RGL1: variants seen among roughly 807,000 people sequenced by gnomAD.
The protein encoded by RGL1 is ral guanine nucleotide dissociation stimulator-like 1.
Under a neutral mutation model 95.2 loss-of-function variants are expected in RGL1, and 24 were observed. The observed-to-expected ratio is 0.25, with a 90% CI of 0.18 to 0.35. The LOEUF (loss-of-function observed/expected upper bound fraction) is 0.35. Ranked by LOEUF, RGL1 falls within the 10% of genes least tolerant of loss-of-function variation. The probability of loss-of-function intolerance (pLI) is 1.00; values close to 1 mark genes in which losing one functional copy is unlikely to be tolerated. For synonymous variants in RGL1, 329 were observed against 344.9 expected, an observed-to-expected ratio of 0.95 and a Z score of 0.51; for missense variants, 715 against 936.3, an observed-to-expected ratio of 0.76 and a Z score of 3.08.
intron 1 of RGL1, chr1:183,648,450 T>C: frequency 2.5e-6 from 4 of 1,614,234 alleles, no homozygotes; most frequent in Non-Finnish European, 3.4e-6. Flanking sequence ...GCTGTCATTA[T>C]TGTATATGGC....
At chr1:183,863,208 C>G (rs753155968) in intron 3 of RGL1, among the ~76,000 whole-genome samples, 4 of 152,196 alleles carry the variant, frequency 2.6e-5, no homozygotes, top group Admixed American at 6.5e-5. Flanking sequence ...GAGGAGGTCT[C>G]TGCAGATCAT....
intron 4 of RGL1, among the ~76,000 whole-genome samples, chr1:183,871,819 T>C (rs923362308): frequency 3.3e-5 from 5 of 152,200 alleles, no homozygotes; most frequent in Admixed American, 6.5e-5. Flanking sequence ...GCGGAGTACT[T>C]GTAATTCCAG....
chr1:183,717,181 G>T (rs547824115), intron 1 of RGL1, among the ~76,000 whole-genome samples: 1 of 152,252 alleles, frequency 6.6e-6, no homozygotes, highest in African/African-American at 2.4e-5. Context: ...AAGAACATCT[G>T]CAATGAAAGA....
intron 2 of RGL1, among the ~76,000 whole-genome samples, chr1:183,790,150 C>T (rs1188072407): frequency 6.6e-6 from 1 of 152,030 alleles, no homozygotes; most frequent in Non-Finnish European, 1.5e-5. Context: ...TGGTCTCGAA[C>T]TCCTGACATC....
intron 14 of RGL1, among the ~76,000 whole-genome samples, chr1:183,907,663 T>G (rs1347499552): frequency 6.6e-6 from 1 of 152,178 alleles, no homozygotes; most frequent in South Asian, 2.1e-4. Flanking sequence ...GAACCCTTTC[T>G]AATGTTGCTG....
At chr1:183,860,084 G>A (rs910255118) in intron 3 of RGL1, among the ~76,000 whole-genome samples, 1 of 152,066 alleles carries the variant, frequency 6.6e-6, no homozygotes, top group African/African-American at 2.4e-5. Flanking sequence ...GTTCTTTTGG[G>A]TCAGTTACAG....
At chr1:183,923,932 C>G (rs1257970068) in intron 17 of RGL1, among the ~76,000 whole-genome samples, 3 of 152,190 alleles carry the variant, frequency 2.0e-5, no homozygotes, top group Non-Finnish European at 4.4e-5. Context: ...AACCATATGC[C>G]TCTCTGGTTG....
At chr1:183,865,022 G>C (rs1665742210) in intron 3 of RGL1, among the ~76,000 whole-genome samples, 1 of 152,194 alleles carries the variant, frequency 6.6e-6, no homozygotes, top group Non-Finnish European at 1.5e-5. Flanking sequence ...CTTTGGGACA[G>C]ACTACTCACT....
intron 2 of RGL1, among the ~76,000 whole-genome samples, chr1:183,814,044 A>G (rs945001478): frequency 6.6e-6 from 1 of 152,130 alleles, no homozygotes; most frequent in Non-Finnish European, 1.5e-5. Context: ...TAATTGTGTC[A>G]TTATTGAGAT....
chr1:183,905,909 G>T (rs1025051970), intron 13 of RGL1, among the ~76,000 whole-genome samples: 1 of 152,130 alleles, frequency 6.6e-6, no homozygotes, highest in Non-Finnish European at 1.5e-5. Flanking sequence ...AACACAGCCC[G>T]TTCATTTACA....
At chr1:183,646,394 A>G (rs1259015294) in intron 1 of RGL1, 1 of 151,362 alleles carries the variant, frequency 6.6e-6, no homozygotes, top group Non-Finnish European at 1.5e-5. Context: ...GTCATGGCAA[A>G]CTCTTTTATT....
intron 2 of RGL1, among the ~76,000 whole-genome samples, chr1:183,799,463 C>T (rs1386159947): frequency 1.3e-5 from 2 of 152,206 alleles, no homozygotes; most frequent in Non-Finnish European, 2.9e-5. Flanking sequence ...TCTGCATCCT[C>T]ACCAACACTT....
intron 1 of RGL1, among the ~76,000 whole-genome samples, chr1:183,707,137 C>G (rs1654965391): frequency 6.6e-6 from 1 of 152,114 alleles, no homozygotes; most frequent in Non-Finnish European, 1.5e-5. Flanking sequence ...TCTTGATAAT[C>G]CCAGTGGGGG....
intron 2 of RGL1, among the ~76,000 whole-genome samples, chr1:183,815,567 G>A (rs1572448953): frequency 6.6e-6 from 1 of 152,322 alleles, no homozygotes; most frequent in African/African-American, 2.4e-5. Context: ...TCAGGGGTAT[G>A]TTCAGCAGGA....
intron 1 of RGL1, among the ~76,000 whole-genome samples, chr1:183,723,163 A>T (rs903327931): frequency 6.6e-5 from 10 of 152,348 alleles, no homozygotes; most frequent in Non-Finnish European, 1.0e-4. Flanking sequence ...GCCCTAGATG[A>T]ATCATTAAAA....
At chr1:183,745,464 T>C (rs574999729) in intron 2 of RGL1, among the ~76,000 whole-genome samples, 1 of 152,262 alleles carries the variant, frequency 6.6e-6, no homozygotes, top group South Asian at 2.1e-4. Flanking sequence ...GTTCTAAATG[T>C]TTGCTTTTAT....
At chr1:183,740,484 C>G (rs893957743) in intron 1 of RGL1, among the ~76,000 whole-genome samples, 1 of 152,168 alleles carries the variant, frequency 6.6e-6, no homozygotes, top group Non-Finnish European at 1.5e-5. Context: ...TCCGCTGACC[C>G]GTCACGCCTG....
intron 10 of RGL1, 75 bp from the exon 11 acceptor site, chr1:183,900,075 T>C (rs1260789351): frequency 8.4e-7 from 1 of 1,183,708 alleles, no homozygotes; most frequent in Admixed American, 1.7e-5. Flanking sequence ...ATCCATTTGC[T>C]CCAGCTTGAA....
At chr1:183,824,263 A>T (rs193235821) in intron 2 of RGL1, among the ~76,000 whole-genome samples, 198 of 152,190 alleles carry the variant, frequency 1.3e-3, no homozygotes, top group African/African-American at 4.6e-3. Flanking sequence ...CACCACTGTG[A>T]TTCTAATTTC....
Sources: gnomAD v4.1 joint callset for allele counts (sites outside exome capture counted in the v4.1 genomes callset) on GRCh38, gnomAD v4.1.1 for gene constraint, MANE v1.5 for transcripts, NCBI Gene and HGNC (gene_info 2026-07-23, HGNC 2026-07-21) for gene names.